TSPEAR: variants seen among roughly 807,000 people sequenced by gnomAD.
The protein encoded by TSPEAR is thrombospondin type laminin G domain and EAR repeats.
A neutral mutation model predicts 71.6 loss-of-function variants in TSPEAR; 69 were observed. That is an observed-to-expected ratio of 0.96 (90% CI 0.79 to 1.18). TSPEAR has a LOEUF of 1.18. Ranked by LOEUF, TSPEAR falls within the 50% of genes most tolerant of loss-of-function variation. TSPEAR has a pLI of 0.00. For missense variants in TSPEAR, 971 were observed against 894.9 expected (o/e 1.09, Z -1.09); for synonymous variants, 402 against 387.2 (o/e 1.04, Z -0.45).
chr21:44,628,995 C>T (rs1329690768), intron 1 of TSPEAR, among the ~76,000 whole-genome samples: 5 of 152,142 alleles, frequency 3.3e-5, no homozygotes, highest in African/African-American at 7.2e-5. Context: ...AGAGGAGTCC[C>T]AGGACAGTGT....
intron 1 of TSPEAR, among the ~76,000 whole-genome samples, chr21:44,661,025 C>CGTG (rs1985458040): frequency 6.6e-6 from 1 of 150,852 alleles, no homozygotes. Flanking sequence ...GGCGCGGTGG[C>CGTG]TCACGCCTGT....
At chr21:44,703,903 C>A (rs1457933503) in intron 1 of TSPEAR, among the ~76,000 whole-genome samples, 1 of 152,190 alleles carries the variant, frequency 6.6e-6, no homozygotes, top group Non-Finnish European at 1.5e-5. Context: ...TCCTGAGTCC[C>A]CCCAGCTGCA....
At chr21:44,526,152 T>A (rs2145971582) in intron 7 of TSPEAR, among the ~76,000 whole-genome samples, 1 of 152,300 alleles carries the variant, frequency 6.6e-6, no homozygotes, top group South Asian at 2.1e-4. Context: ...ACAAAAATGT[T>A]CTTCATAACC....
At chr21:44,702,469 T>C in intron 1 of TSPEAR, 3 of 1,609,334 alleles carry the variant, frequency 1.9e-6, no homozygotes, top group Non-Finnish European at 2.5e-6. Context: ...GCAGTCCTGC[T>C]GTGTGCCCGT....
chr21:44,594,255 G>A (rs1555927342), intron 1 of TSPEAR, among the ~76,000 whole-genome samples: 1 of 152,194 alleles, frequency 6.6e-6, no homozygotes, highest in African/African-American at 2.4e-5. Context: ...CACATAAAAG[G>A]AAAGAAACTT....
At chr21:44,668,549 G>A (rs55805293) in intron 1 of TSPEAR, among the ~76,000 whole-genome samples, 6,004 of 152,248 alleles carry the variant, frequency 0.039, 129 homozygotes, top group Middle Eastern at 0.085. Flanking sequence ...CCATCCTAAA[G>A]TTTATGTGGA....
At chr21:44,604,899 T>C (rs1398044174) in intron 1 of TSPEAR, among the ~76,000 whole-genome samples, 3 of 152,266 alleles carry the variant, frequency 2.0e-5, no homozygotes, top group Admixed American at 6.5e-5. Flanking sequence ...TTGATTTATA[T>C]ATGTTGAACC....
At chr21:44,579,934 G>A (rs1555924695) in intron 1 of TSPEAR, 1 of 1,614,106 alleles carries the variant, frequency 6.2e-7, no homozygotes, top group Non-Finnish European at 8.5e-7. Flanking sequence ...AGGAGGGTCT[G>A]CAGCAGGAGG....
At chr21:44,518,891 C>T (rs2052670190) in intron 9 of TSPEAR, 7 of 332,440 alleles carry the variant, frequency 2.1e-5, no homozygotes, top group South Asian at 1.2e-4. Flanking sequence ...CCAGTATGAT[C>T]CTGATGACAC....
chr21:44,624,743 C>T (rs1982659095), intron 1 of TSPEAR, among the ~76,000 whole-genome samples: 1 of 152,148 alleles, frequency 6.6e-6, no homozygotes, highest in African/African-American at 2.4e-5. Flanking sequence ...TTTTTGTCTT[C>T]CAATTGTATG....
At chr21:44,671,437 C>G (rs1395959267) in intron 1 of TSPEAR, among the ~76,000 whole-genome samples, 1 of 152,108 alleles carries the variant, frequency 6.6e-6, no homozygotes, top group Non-Finnish European at 1.5e-5. Flanking sequence ...ATATGCTACT[C>G]AGGGGCCTAA....
intron 1 of TSPEAR, chr21:44,601,571 G>A (rs782487846): frequency 1.4e-5 from 22 of 1,613,536 alleles, no homozygotes; most frequent in Non-Finnish European, 1.6e-5. Context: ...CGCCCCGTGT[G>A]CAGGCCCGCC....
At position 44,627,322 on chromosome 21, in the gene TSPEAR, A is replaced by T. The variant is rs782759663; in HGVS notation, c.83-59317T>A. On this transcript the variant is annotated intron_variant, in intron 1 of 11. Transcript: ENST00000323084. ...CCTGACCCTGGTCTGCACCCCAGTG[A>T]GCCGTGTATCCAGCCCCTGCTGCCA... 8.1e-6 allele frequency: 13 copies of T among 1,612,960 alleles called. No homozygotes were observed. In the East Asian group the frequency reaches 2.7e-4, roughly 33 times the overall value.
At chr21:44,671,748 A>T (rs1418276314) in intron 1 of TSPEAR, among the ~76,000 whole-genome samples, 1 of 150,084 alleles carries the variant, frequency 6.7e-6, no homozygotes, top group African/African-American at 2.5e-5. Context: ...AGTGATTGTT[A>T]TGTCAGATGT....
At chr21:44,627,124 C>T (rs781880934) in intron 1 of TSPEAR, 1 of 1,589,674 alleles carries the variant, frequency 6.3e-7, no homozygotes, top group Non-Finnish European at 8.6e-7. Context: ...CTGACACACT[C>T]ACACACTCAC....
chr21:44,681,695 C>T (rs1601560320), intron 1 of TSPEAR: 7 of 1,189,148 alleles, frequency 5.9e-6, no homozygotes, highest in South Asian at 1.6e-5. Flanking sequence ...CTATTATATT[C>T]TCGATCCAGA....
chr21:44,656,790 G>T (rs1555942636), intron 1 of TSPEAR, among the ~76,000 whole-genome samples: 1 of 151,932 alleles, frequency 6.6e-6, no homozygotes. Context: ...TCTTTCCAAG[G>T]TTCAAACTAC....
At chr21:44,527,226 C>T (rs1260283891) in intron 7 of TSPEAR, 66 bp downstream of exon 7, 1 of 1,564,894 alleles carries the variant, frequency 6.4e-7, no homozygotes. Context: ...TGTAGGGGGC[C>T]CCGCCTGTGG....
At chr21:44,558,777 G>T in intron 2 of TSPEAR, 1 of 1,544,772 alleles carries the variant, frequency 6.5e-7, no homozygotes, top group Non-Finnish European at 8.8e-7. Flanking sequence ...GAGTGAGTGA[G>T]GGAGTGAGTG....
Sources: gnomAD v4.1 joint callset for allele counts (sites outside exome capture counted in the v4.1 genomes callset) on GRCh38, gnomAD v4.1.1 for gene constraint, MANE v1.5 for transcripts, NCBI Gene and HGNC (gene_info 2026-07-23, HGNC 2026-07-21) for gene names.